Variants in SRCIN1 observed in about 807,000 individuals in gnomAD.
The protein encoded by SRCIN1 is SRC kinase signaling inhibitor 1, also known as P130Cas-associated protein.
SRCIN1 carries 50 observed loss-of-function variants against 116.2 expected under a neutral mutation model. The observed-to-expected ratio is 0.43, with a 90% CI of 0.34 to 0.54. The LOEUF is 0.54. Among genes scored for constraint, SRCIN1 ranks in the 20% least tolerant of loss-of-function variants. SRCIN1 has a pLI of 0.02. For missense variants in SRCIN1, 1,446 were observed against 1,672.0 expected, an observed-to-expected ratio of 0.86 and a Z score of 2.36; for synonymous variants, 736 against 750.0, an observed-to-expected ratio of 0.98 and a Z score of 0.30.
chr17:38,556,288 C>T (rs1199758696), intron 11 of SRCIN1, among the ~76,000 whole-genome samples: 2 of 152,250 alleles, frequency 1.3e-5, no homozygotes, highest in Non-Finnish European at 1.5e-5. Flanking sequence ...TGGGGCTCCG[C>T]GTGACCGCAC....
In SRCIN1 at chr17:38,544,951, GC is replaced by G. The variant is rs1904990469; in HGVS notation, c.3271-983del. 1 of 152,640 alleles carries G rather than the reference GC, an allele frequency of 6.6e-6. No homozygotes were observed. Among genetic ancestry groups the G allele is most frequent in the Non-Finnish European group, 1.5e-5 (1 of 68,072 alleles). 9.5% of individuals were successfully genotyped at this position (152,640 alleles called of 1,614,324 possible). On this transcript the variant is annotated intron_variant, in intron 17 of 18. Coordinates refer to ENST00000617146, the MANE Select transcript of SRCIN1 (RefSeq NM_025248.3). This position sits in a 1 kb window ranked among gnomAD's most constrained non-coding sequence, Gnocchi z 4.5. Reference sequence around the variant, plus strand: ...GCCTGTGCCCATGTTGCTCAGGGTGGCTTCCAGCTCCCGGAGCGTCTCCTCC... The same window carrying G: ...GCCTGTGCCCATGTTGCTCAGGGTGGTTCCAGCTCCCGGAGCGTCTCCTCC...
At chr17:38,601,873 T>G (rs1909053886) in intron 1 of SRCIN1, among the ~76,000 whole-genome samples, 1 of 148,100 alleles carries the variant, frequency 6.8e-6, no homozygotes, top group African/African-American at 2.5e-5. Flanking sequence ...ATGGGAGGGG[T>G]GGTCAGAGGG....
Position 38,563,107 on chromosome 17 carries a change from G to T in SRCIN1, c.741-187C>A, listed in dbSNP as rs1005711285. On this transcript the variant is annotated intron_variant, in intron 5 of 18. Transcript: ENST00000617146. The surrounding 1 kb of genome is among the most constrained non-coding windows in gnomAD (Gnocchi z 5.8). ...TCCTGGCCTCCGGCGCCATTTTCAGGTTAGCTCAAAGCAAAGGGAACCAGC... is the reference window on the plus strand; with the variant it reads ...TCCTGGCCTCCGGCGCCATTTTCAGTTTAGCTCAAAGCAAAGGGAACCAGC... 3.9e-5 allele frequency among the ~76,000 whole-genome samples: 6 copies of T among 152,192 alleles called. No individual in the cohort carries two copies. The highest frequency in any genetic ancestry group is 1.4e-4 in the African/African-American group (6 of 41,450).
At chr17:38,586,326 T>C (rs1273633859) in intron 1 of SRCIN1, among the ~76,000 whole-genome samples, 1 of 152,140 alleles carries the variant, frequency 6.6e-6, no homozygotes, top group Non-Finnish European at 1.5e-5. Context: ...CTGTAGTGGA[T>C]GGGGGCGGGG....
chr17:38,564,300 C>T lies in SRCIN1; in HGVS notation c.359G>A (p.Arg120His), dbSNP rs1906515001. 5 of 1,558,784 alleles carry T rather than the reference C, an allele frequency of 3.2e-6. No individual in the cohort carries two copies. Among genetic ancestry groups the T allele is most frequent in the African/African-American group, 2.7e-5 (2 of 73,598 alleles). The change falls in exon 4 of 19, where the codon CGC becomes CAC. Residue 120 changes from arginine (R) to histidine (H), a missense_variant. Arg to His is a conservative substitution (Grantham distance 29). Coordinates refer to ENST00000617146, the MANE Select transcript of SRCIN1 (RefSeq NM_025248.3). ...CCCGGGCTGGGCTCCCTGAGTGTGG[C>T]GTGAGCTGCGGGTCTGCAGGGGCCG... is the stretch of plus-strand genomic sequence containing the variant. The part of the protein sequence containing the change: ...NYWSFKTRSS[R>H]HTQGAQPGLA...
Position 38,558,159 on chromosome 17 carries a change from G to A in SRCIN1, c.2201+68C>T. ...AGAGGGAAGGGAGCTGCGCCTCCCAGGGAAACCAGGTTGCGGGTCACTCCA... is the reference window on the plus strand; with the variant it reads ...AGAGGGAAGGGAGCTGCGCCTCCCAAGGAAACCAGGTTGCGGGTCACTCCA... On this transcript the variant is annotated intron_variant, in intron 11 of 18. Transcript: ENST00000617146. This position sits in a 1 kb window ranked among gnomAD's most constrained non-coding sequence, Gnocchi z 4.6. 1 of 1,563,938 alleles carries A rather than the reference G, an allele frequency of 6.4e-7. No homozygotes were observed. Among genetic ancestry groups the A allele is most frequent in the South Asian group, 1.2e-5 (1 of 86,324 alleles).
In SRCIN1 at chr17:38,551,162, C is replaced by T; in HGVS notation, c.2955G>A (p.Arg985=). The T allele has an allele frequency of 6.5e-7, 1 of 1,541,098 alleles. No homozygotes were observed. The highest frequency in any genetic ancestry group is 8.8e-7 in the Non-Finnish European group (1 of 1,131,554). The change falls in exon 15 of 19, where the codon AGG becomes AGA. Residue 985 remains arginine, a synonymous_variant. Transcript: ENST00000617146. The part of the protein sequence containing the change: ...AAPRTEPSGR[R]GSDELTVPRY... ...CCCTACTACTCCCCATACCTGAGCC[C>T]CTCCTCCCACTGGGCTCCGTTCGGG... is the stretch of plus-strand genomic sequence containing the variant.
intron 1 of SRCIN1, among the ~76,000 whole-genome samples, chr17:38,581,466 C>CTTT (rs55779119): frequency 0.052 from 6,975 of 134,562 alleles, 182 homozygotes; most frequent in Middle Eastern, 0.073. Context: ...ACACCCAGGT[C>CTTT]TTTTTTTTTT....
intron 1 of SRCIN1, among the ~76,000 whole-genome samples, chr17:38,595,577 G>C (rs1567885251): frequency 6.6e-6 from 1 of 152,190 alleles, no homozygotes; most frequent in Non-Finnish European, 1.5e-5. Flanking sequence ...TTGAATAAAT[G>C]AAACGAGATC....
intron 1 of SRCIN1, among the ~76,000 whole-genome samples, chr17:38,594,742 A>G (rs1016108004): frequency 1.3e-5 from 2 of 152,134 alleles, no homozygotes; most frequent in Admixed American, 1.3e-4. Context: ...AGGCTCACAC[A>G]GCTAGGAAAT....
At chr17:38,536,127 G>C (rs578107277) in intron 18 of SRCIN1, among the ~76,000 whole-genome samples, 5 of 152,234 alleles carry the variant, frequency 3.3e-5, no homozygotes, top group East Asian at 1.9e-4. Context: ...CCTCGTCCCC[G>C]TCCCGCTTCT....
rs528359380 is a variant in SRCIN1 at position 38,585,102 on chromosome 17, G to A, written c.23-6311C>T. On this transcript the variant is annotated intron_variant, in intron 1 of 18. Transcript: ENST00000617146. This position sits in a 1 kb window ranked among gnomAD's most constrained non-coding sequence, Gnocchi z 4.2. ...GCCCCGACCCACTGCCTGGGCAGGGGTAGGAGCTGGGTTATAGCCCTGGCA... is the reference window on the plus strand; with the variant it reads ...GCCCCGACCCACTGCCTGGGCAGGGATAGGAGCTGGGTTATAGCCCTGGCA... Among the ~76,000 whole-genome samples, 5 of 152,352 alleles carry A rather than the reference G, an allele frequency of 3.3e-5. No homozygotes were observed. The South Asian group carries it at 1.0e-3, about 32-fold the overall frequency.
At chr17:38,570,600 G>A (rs1038634327) in intron 2 of SRCIN1, among the ~76,000 whole-genome samples, 1 of 151,542 alleles carries the variant, frequency 6.6e-6, no homozygotes. Flanking sequence ...CCTGCCACCA[G>A]TGTCAACACA....
rs1214561336 is a variant in SRCIN1 at position 38,533,321 on chromosome 17, T to G, written c.3528A>C (p.Ala1176=). The change falls in exon 19 of 19, where the codon GCA becomes GCC. Residue 1176 remains alanine (A), a synonymous_variant. Coordinates refer to ENST00000617146, the MANE Select transcript of SRCIN1 (RefSeq NM_025248.3). ...TSIPVLTSFG[A]RNSSISF ...TCTAGAAGGAGATGGAAGAATTCCT[T>G]GCCCCAAAGGAAGTCAATACAGGGA... 4 of 1,580,670 alleles carry G rather than the reference T, an allele frequency of 2.5e-6. No individual in the cohort carries two copies. In the South Asian group the frequency reaches 4.6e-5, roughly 18 times the overall value.
At position 38,544,029 on chromosome 17, in the gene SRCIN1, A is replaced by T; in HGVS notation, c.3271-60T>A. ...TCCACATGGGGTGAATCACACAGGAACCCTAGCACTGGGTGGGGTCTCGGG... is the reference window on the plus strand; with the variant it reads ...TCCACATGGGGTGAATCACACAGGATCCCTAGCACTGGGTGGGGTCTCGGG... On this transcript the variant is annotated intron_variant, in intron 17 of 18. Coordinates refer to ENST00000617146, the MANE Select transcript of SRCIN1 (RefSeq NM_025248.3). The surrounding 1 kb of genome is among the most constrained non-coding windows in gnomAD (Gnocchi z 4.5). 6.7e-7 allele frequency: 1 copy of T among 1,501,382 alleles called. No individual in the cohort carries two copies. The allele number at this position is 1,501,382 out of a possible 1,614,324, so 93.0% of individuals were successfully genotyped here.
chr17:38,568,129 A>C lies in SRCIN1; in HGVS notation c.345+82T>G, dbSNP rs1310615145. On this transcript the variant is annotated intron_variant, in intron 3 of 18. Transcript: ENST00000617146. The surrounding 1 kb of genome is among the most constrained non-coding windows in gnomAD (Gnocchi z 4.5). Reference sequence around the variant, plus strand: ...TCCGTGCAGATGCGCACCCCGGTGCAAAGCCTGTGCAAGGGAGAGGCAGGG... The same window carrying C: ...TCCGTGCAGATGCGCACCCCGGTGCCAAGCCTGTGCAAGGGAGAGGCAGGG... 3.4e-5 allele frequency: 53 copies of C among 1,550,194 alleles called. 1 individual carries two copies. Among genetic ancestry groups the C allele is most frequent in the Non-Finnish European group, 4.6e-5 (52 of 1,128,230 alleles).
chr17:38,549,631 A>ATC (rs1905266623), intron 15 of SRCIN1, among the ~76,000 whole-genome samples: 1 of 151,682 alleles, frequency 6.6e-6, no homozygotes, highest in Non-Finnish European at 1.5e-5. Flanking sequence ...TCAGCTCTCC[A>ATC]TCTCTCCTCC....
chr17:38,578,863 T>C, intron 1 of SRCIN1, 72 bp from the exon 2 acceptor site: 3 of 1,418,568 alleles, frequency 2.1e-6, no homozygotes, highest in Non-Finnish European at 2.8e-6. Flanking sequence ...CCCAAGGGGG[T>C]CCCTGCGGGA....
chr17:38,574,896 C>T (rs1405716221), intron 2 of SRCIN1: 14 of 400,864 alleles, frequency 3.5e-5, no homozygotes, highest in Non-Finnish European at 5.3e-5. Context: ...TGGCCAGCCC[C>T]GGAGGGGGCG....
Sources: allele counts gnomAD v4.1 joint callset (sites outside exome capture counted in the v4.1 genomes callset), GRCh38; gene constraint gnomAD v4.1.1; non-coding constraint Gnocchi (gnomAD v3.1); transcripts MANE v1.5; gene names NCBI Gene and HGNC (gene_info 2026-07-23, HGNC 2026-07-21).